FBXL3: variants seen among roughly 807,000 people sequenced by gnomAD.
FBXL3 encodes the protein F-box/LRR-repeat protein 3.
A neutral mutation model predicts 37.9 loss-of-function variants in FBXL3; 14 were observed. That is an observed-to-expected ratio of 0.37 (90% CI 0.24 to 0.58). FBXL3 has a LOEUF of 0.58. FBXL3 is among the 20% of genes least tolerant of loss of function. FBXL3 has a pLI of 0.74. For missense variants in FBXL3, 327 were observed against 511.1 expected (o/e 0.64, Z 3.47); for synonymous variants, 194 against 180.1 (o/e 1.08, Z -0.62).
At chr13:77,021,980 G>A (rs1295385471) in intron 1 of FBXL3, 119 bp from the exon 2 acceptor site, 4 of 783,306 alleles carry the variant, frequency 5.1e-6, no homozygotes, top group Non-Finnish European at 6.1e-6. Flanking sequence ...AGGAAAAACT[G>A]GATCAGTAAT....
At position 77,021,591 on chromosome 13, in the gene FBXL3, A is replaced by G. The variant is rs2154037734; in HGVS notation, c.270T>C (p.Tyr90=). The G allele has an allele frequency of 2.5e-6, 4 of 1,614,204 alleles. No homozygotes were observed. Among genetic ancestry groups the G allele is most frequent in the Middle Eastern group, 1.6e-4 (1 of 6,062 alleles). ...EFELNQPATS[Y]LKATHPELIK... The stretch of plus-strand genomic sequence containing the variant: ...TCAGCTCTGGATGGGTAGCTTTCAA[A>G]TAAGATGTAGCTGGCTGATTCAGTT... Residue 90 remains tyrosine, a synonymous_variant, in exon 2 of 5, where the codon TAT becomes TAC. Coordinates refer to ENST00000355619, the MANE Select transcript of FBXL3 (RefSeq NM_012158.4).
In FBXL3 at chr13:77,027,000, A is replaced by G. The variant is rs2034856571; in HGVS notation, c.-175T>C. The G allele has an allele frequency of 6.6e-6, 1 of 151,708 alleles. No homozygotes were observed. Among genetic ancestry groups the G allele is most frequent in the Non-Finnish European group, 1.5e-5 (1 of 67,930 alleles). 9.4% of individuals were successfully genotyped at this position (151,708 alleles called of 1,614,324 possible). A position where few individuals can be genotyped will look rare whatever the true frequency, so the allele number is the denominator to read the frequency against. On this transcript the variant is annotated 5_prime_UTR_variant, in exon 1 of 5. Coordinates refer to ENST00000355619, the MANE Select transcript of FBXL3 (RefSeq NM_012158.4). ...GGCGCTGGTCCCGCGGAGGGCGCCAACGCGGCTCCACCTTTGCGGCTCTGG... is the reference window on the plus strand; with the variant it reads ...GGCGCTGGTCCCGCGGAGGGCGCCAGCGCGGCTCCACCTTTGCGGCTCTGG...
intron 1 of FBXL3, among the ~76,000 whole-genome samples, chr13:77,025,184 T>G (rs2034814476): frequency 6.6e-6 from 1 of 152,156 alleles, no homozygotes; most frequent in African/African-American, 2.4e-5. Flanking sequence ...AGAACCAAGC[T>G]GTACTATAAA....
Position 77,018,690 on chromosome 13 carries a change from A to G in FBXL3, c.381T>C (p.Ala127=), listed in dbSNP as rs1446172714. 2 of 1,590,774 alleles carry G rather than the reference A, an allele frequency of 1.3e-6. No homozygotes were observed. The highest frequency in any genetic ancestry group is 1.7e-6 in the Non-Finnish European group (2 of 1,170,326). The part of the protein sequence containing the change: ...VDSSKESAEA[A]CDILSQLVNC... Reference sequence around the variant, plus strand: ...TCACAAGTTGCGATAGTATATCACAAGCTGCTTCAGCTGATTCCTTGCTGC... The same window carrying G: ...TCACAAGTTGCGATAGTATATCACAGGCTGCTTCAGCTGATTCCTTGCTGC... The change falls in exon 3 of 5, where the codon GCT becomes GCC. Residue 127 remains alanine (A), a synonymous_variant. Transcript: ENST00000355619.
chr13:77,021,557 T>A lies in FBXL3; in HGVS notation c.304A>T (p.Ile102Phe). ...KATHPELIKQ[I>F]IKRHSNHLQY... ...AGATGGTTTGAATGTCTTTTAATAA[T>A]CTGTTTGATCAGCTCTGGATGGGTA... is the stretch of plus-strand genomic sequence containing the variant. Residue 102 changes from isoleucine to phenylalanine, a missense_variant, in exon 2 of 5, where the codon ATT (isoleucine) becomes TTT (phenylalanine). Physicochemically the swap from Ile to Phe is conservative, Grantham distance 21. Transcript: ENST00000355619. 6.2e-7 allele frequency: 1 copy of A among 1,614,046 alleles called. No homozygotes were observed.
intron 1 of FBXL3, among the ~76,000 whole-genome samples, chr13:77,023,453 C>T (rs933369932): frequency 2.6e-5 from 4 of 152,160 alleles, no homozygotes; most frequent in African/African-American, 9.7e-5. Flanking sequence ...TAGTAACCAA[C>T]AGTAGACGGC....
chr13:77,025,568 C>T (rs2034821697), intron 1 of FBXL3, among the ~76,000 whole-genome samples: 1 of 151,430 alleles, frequency 6.6e-6, no homozygotes, highest in African/African-American at 2.4e-5. Flanking sequence ...CAAAAATTAG[C>T]TGGGCATGGT....
chr13:77,005,704 T>C lies in FBXL3; in HGVS notation c.*1441A>G, dbSNP rs2034438891. ...TTAAGAAGGCCATCCGTTTTAAAAGTAGATCTAAGACTGTTAGCTTCCTCA... is the reference window on the plus strand; with the variant it reads ...TTAAGAAGGCCATCCGTTTTAAAAGCAGATCTAAGACTGTTAGCTTCCTCA... On this transcript the variant is annotated 3_prime_UTR_variant, in exon 5 of 5. Transcript: ENST00000355619. 6.6e-6 allele frequency: 1 copy of C among 152,130 alleles called. No individual in the cohort carries two copies. Among genetic ancestry groups the C allele is most frequent in the Non-Finnish European group, 1.5e-5 (1 of 67,966 alleles). The allele number at this position is 152,130 out of a possible 1,614,324, so 9.4% of individuals were successfully genotyped here.
intron 1 of FBXL3, 105 bp downstream of exon 1, chr13:77,026,722 C>A (rs2034847118): frequency 8.9e-6 from 1 of 112,876 alleles, no homozygotes; most frequent in African/African-American, 3.4e-5. Context: ...CCGGCCCCCG[C>A]GCCCCCCCCC....
At chr13:77,023,303 C>T (rs1376847594) in intron 1 of FBXL3, among the ~76,000 whole-genome samples, 3 of 151,924 alleles carry the variant, frequency 2.0e-5, no homozygotes, top group Non-Finnish European at 4.4e-5. Flanking sequence ...GCATGCACCA[C>T]CACACCCGAC....
intron 1 of FBXL3, among the ~76,000 whole-genome samples, chr13:77,025,410 G>C (rs1165583233): frequency 6.6e-6 from 1 of 152,184 alleles, no homozygotes; most frequent in African/African-American, 2.4e-5. Context: ...CAAGGAGTTA[G>C]TGAACTAACT....
At chr13:77,008,013 A>G (rs1435339555) in intron 4 of FBXL3, among the ~76,000 whole-genome samples, 2 of 152,232 alleles carry the variant, frequency 1.3e-5, no homozygotes, top group Admixed American at 6.5e-5. Context: ...CATCTATTAA[A>G]AAGAAATAAA....
intron 1 of FBXL3, among the ~76,000 whole-genome samples, chr13:77,025,355 A>C (rs553997318): frequency 4.6e-5 from 7 of 152,226 alleles, no homozygotes; most frequent in Non-Finnish European, 8.8e-5. Context: ...ACAAACTGCT[A>C]AATAGCAAAC....
In FBXL3 at chr13:77,021,629, A is replaced by G; in HGVS notation, c.232T>C (p.Cys78Arg). The change falls in exon 2 of 5, where the codon TGT (cysteine) becomes CGT (arginine). Residue 78 changes from cysteine (C) to arginine (R), a missense_variant. Transcript: ENST00000355619. ...GGCTGATTCAGTTCAAATTCAAAAC[A>G]TCTCCACAAGTCAGGCATGTGAAAT... ...QVFHMPDLWR[C>R]FEFELNQPAT... 1.2e-6 allele frequency: 2 copies of G among 1,614,200 alleles called. No homozygotes were observed. The highest frequency in any genetic ancestry group is 1.7e-6 in the Non-Finnish European group (2 of 1,180,038).
At chr13:77,025,687 CA>C (rs35934318) in intron 1 of FBXL3, among the ~76,000 whole-genome samples, 5,296 of 73,704 alleles carry the variant, frequency 0.072, 80 homozygotes, top group African/African-American at 0.19. Context: ...GTCCTTGTCT[CA>C]AAAAAAAAAA....
At chr13:77,017,763 G>A (rs549626109) in intron 3 of FBXL3, 13 of 152,130 alleles carry the variant, frequency 8.5e-5, no homozygotes, top group African/African-American at 3.1e-4. Context: ...ATCAACTGGT[G>A]ATTTATTTGG....
Position 77,007,307 on chromosome 13 carries a change from G to C in FBXL3, c.1125C>G (p.Ala375=). 1.9e-6 allele frequency: 3 copies of C among 1,614,082 alleles called. No individual in the cohort carries two copies. Among genetic ancestry groups the C allele is most frequent in the Non-Finnish European group, 2.5e-6 (3 of 1,180,022 alleles). Residue 375 remains alanine, a synonymous_variant, in exon 5 of 5, where the codon GCC becomes GCG. Transcript: ENST00000355619. ...GLGECEVSCS[A]FVEFVKMCGG... ...CACACATCTTCACAAACTCAACAAA[G>C]GCACTACATGAGACTTCACATTCCC...
rs372338846 is a variant in FBXL3 at position 77,022,299 on chromosome 13, C to T, written c.-1-438G>A. ...AGGCCAACCAGGGTCCCAAGAACCT[C>T]CAGAGAGGATGTTCCACATTTAATA... On this transcript the variant is annotated intron_variant, in intron 1 of 4. Coordinates refer to ENST00000355619, the MANE Select transcript of FBXL3 (RefSeq NM_012158.4). 1.8e-4 allele frequency among the ~76,000 whole-genome samples: 28 copies of T among 152,114 alleles called. 1 individual carries two copies. The highest frequency in any genetic ancestry group is 1.5e-3 in the East Asian group (8 of 5,194).
Position 77,006,764 on chromosome 13 carries a change from A to G in FBXL3, c.*381T>C, listed in dbSNP as rs781473688. 4.4e-4 allele frequency: 432 copies of G among 975,314 alleles called. No homozygotes were observed. Among genetic ancestry groups the G allele is most frequent in the Middle Eastern group, 5.2e-4 (1 of 1,920 alleles). 60.4% of individuals were successfully genotyped at this position (975,314 alleles called of 1,614,324 possible). On this transcript the variant is annotated 3_prime_UTR_variant, in exon 5 of 5. Coordinates refer to ENST00000355619, the MANE Select transcript of FBXL3 (RefSeq NM_012158.4). ...GTGTATGTGTAACTGAAGACCCTAA[A>G]ATGTCAAGTTTACATTTTTTTTTAA...
Sources: gnomAD v4.1 joint callset for allele counts (sites outside exome capture counted in the v4.1 genomes callset) on GRCh38, gnomAD v4.1.1 for gene constraint, MANE v1.5 for transcripts, NCBI Gene and HGNC (gene_info 2026-07-23, HGNC 2026-07-21) for gene names.